Variants in TNR observed in about 807,000 individuals in gnomAD.
TNR encodes tenascin-R.
A neutral mutation model predicts 150.4 loss-of-function variants in TNR; 45 were observed. That is an observed-to-expected ratio of 0.30 (90% confidence interval 0.24 to 0.38). The LOEUF (loss-of-function observed/expected upper bound fraction) is 0.38, where lower values mean the gene tolerates loss of function less well. Ranked by LOEUF, TNR falls within the 10% of genes least tolerant of loss-of-function variation. The pLI, the probability that TNR is intolerant of heterozygous loss-of-function variation, is 1.00. For synonymous variants in TNR, 687 were observed against 678.4 expected, an observed-to-expected ratio of 1.01 and a Z score of -0.20; for missense variants, 1,544 against 1,759.1, an observed-to-expected ratio of 0.88 and a Z score of 2.19.
chr1:175,439,398 G>A (rs1655675628), intron 2 of TNR, among the ~76,000 whole-genome samples: 1 of 151,956 alleles, frequency 6.6e-6, no homozygotes, highest in Admixed American at 6.6e-5. Flanking sequence ...AGACTTAAAT[G>A]TTAGACCTAA....
intron 1 of TNR, among the ~76,000 whole-genome samples, chr1:175,728,479 T>C (rs1667541429): frequency 1.3e-5 from 2 of 152,182 alleles, no homozygotes; most frequent in Non-Finnish European, 2.9e-5. Context: ...AGAGAGATGG[T>C]TTCCTAGCAG....
At chr1:175,685,151 C>T (rs1666151336) in intron 1 of TNR, among the ~76,000 whole-genome samples, 1 of 151,350 alleles carries the variant, frequency 6.6e-6, no homozygotes, top group Admixed American at 6.6e-5. Flanking sequence ...GGATTTTCCT[C>T]ACTTTGTTCT....
intron 2 of TNR, among the ~76,000 whole-genome samples, chr1:175,458,385 A>G (rs868427102): frequency 2.6e-5 from 4 of 152,226 alleles, no homozygotes; most frequent in African/African-American, 7.2e-5. Context: ...AAGAAGGACA[A>G]GGCATGCACC....
At chr1:175,325,689 T>TA (rs1313079248) in intron 21 of TNR, among the ~76,000 whole-genome samples, 7 of 152,238 alleles carry the variant, frequency 4.6e-5, no homozygotes, top group South Asian at 2.1e-4. Flanking sequence ...TATGCAGCCA[T>TA]AAAAAAGAAT....
intron 1 of TNR, among the ~76,000 whole-genome samples, chr1:175,691,104 T>C (rs1420541113): frequency 1.3e-5 from 2 of 151,230 alleles, no homozygotes; most frequent in East Asian, 3.9e-4. Flanking sequence ...CTATAGTAAG[T>C]AGTTGGATAG....
chr1:175,573,107 G>T (rs73048389), intron 1 of TNR, among the ~76,000 whole-genome samples: 1 of 152,188 alleles, frequency 6.6e-6, no homozygotes, highest in Non-Finnish European at 1.5e-5. Flanking sequence ...CCTCTGATTA[G>T]CGTGCCTAAG....
chr1:175,331,142 T>C (rs1476977701), intron 20 of TNR, among the ~76,000 whole-genome samples: 2 of 145,776 alleles, frequency 1.4e-5, no homozygotes, highest in African/African-American at 2.5e-5. Context: ...TTTCTTTCTT[T>C]CTTCCTTTCT....
chr1:175,532,749 C>G (rs1389924546), intron 1 of TNR, among the ~76,000 whole-genome samples: 1 of 152,144 alleles, frequency 6.6e-6, no homozygotes, highest in East Asian at 1.9e-4. Context: ...AATAGAGGAT[C>G]TGCTTCCAAG....
intron 1 of TNR, among the ~76,000 whole-genome samples, chr1:175,609,566 A>G (rs951791031): frequency 6.6e-6 from 1 of 152,202 alleles, no homozygotes; most frequent in African/African-American, 2.4e-5. Context: ...CCAAGGTGTC[A>G]TCCTTAGGGG....
chr1:175,735,866 G>A (rs1376286162), intron 1 of TNR, among the ~76,000 whole-genome samples: 1 of 152,110 alleles, frequency 6.6e-6, no homozygotes, highest in Non-Finnish European at 1.5e-5. Context: ...ATTAATTTCA[G>A]TCTAGTACAA....
chr1:175,494,951 G>A (rs1041616135), intron 2 of TNR, among the ~76,000 whole-genome samples: 3 of 152,256 alleles, frequency 2.0e-5, no homozygotes, highest in Middle Eastern at 3.4e-3. Context: ...TCGAAAACGG[G>A]TCGGTCATGG....
chr1:175,594,150 G>A (rs1006706941), intron 1 of TNR, among the ~76,000 whole-genome samples: 8 of 152,146 alleles, frequency 5.3e-5, no homozygotes, highest in African/African-American at 1.4e-4. Flanking sequence ...GAAGGTGGGT[G>A]TACCAATCAG....
At chr1:175,664,956 C>T (rs1665491925) in intron 1 of TNR, among the ~76,000 whole-genome samples, 1 of 152,200 alleles carries the variant, frequency 6.6e-6, no homozygotes, top group East Asian at 1.9e-4. Context: ...AAGAAATTCT[C>T]AGGCAGAAAC....
At chr1:175,469,160 G>A (rs1657164539) in intron 2 of TNR, among the ~76,000 whole-genome samples, 1 of 152,136 alleles carries the variant, frequency 6.6e-6, no homozygotes, top group Admixed American at 6.6e-5. Flanking sequence ...GAGGCTGCTG[G>A]TTGGAGATGA....
chr1:175,541,227 T>A (rs1660489967), intron 1 of TNR, among the ~76,000 whole-genome samples: 1 of 152,236 alleles, frequency 6.6e-6, no homozygotes, highest in Admixed American at 6.5e-5. Flanking sequence ...GTGTTGCAGT[T>A]GCCATGTATA....
chr1:175,619,353 A>C (rs1229965215), intron 1 of TNR, among the ~76,000 whole-genome samples: 2 of 152,168 alleles, frequency 1.3e-5, no homozygotes, highest in Non-Finnish European at 2.9e-5. Context: ...GCAGAATGTC[A>C]GTCTAGGATG....
At chr1:175,341,464 A>G (rs1650520947) in intron 18 of TNR, among the ~76,000 whole-genome samples, 1 of 152,222 alleles carries the variant, frequency 6.6e-6, no homozygotes, top group African/African-American at 2.4e-5. Flanking sequence ...TGTGAGATCA[A>G]CGGGACCATG....
intron 9 of TNR, among the ~76,000 whole-genome samples, chr1:175,367,890 T>C (rs1651916943): frequency 6.6e-6 from 1 of 152,130 alleles, no homozygotes; most frequent in Admixed American, 6.5e-5. Flanking sequence ...AGTTCAGTAA[T>C]TCAGGCCTCA....
At chr1:175,664,191 C>T (rs1307280878) in intron 1 of TNR, among the ~76,000 whole-genome samples, 1 of 152,248 alleles carries the variant, frequency 6.6e-6, no homozygotes, top group Non-Finnish European at 1.5e-5. Context: ...CTACAGCCAG[C>T]TGGCCTCTGG....
Sources: allele counts gnomAD v4.1 joint callset (sites outside exome capture counted in the v4.1 genomes callset), GRCh38; gene constraint gnomAD v4.1.1; transcripts MANE v1.5; gene names NCBI Gene and HGNC (gene_info 2026-07-23, HGNC 2026-07-21).